Variants in WWOX observed in about 807,000 individuals in gnomAD.
WWOX encodes the protein WW domain containing oxidoreductase.
In WWOX, 69 loss-of-function variants were observed where a neutral mutation model predicts 46.2. The ratio of observed to expected loss-of-function variants is 1.49; its 90% CI spans 1.23 to 1.82. WWOX has a LOEUF of 1.82. Among genes scored for constraint, WWOX ranks in the 40% most tolerant of loss-of-function variants. The pLI is 0.00. For synonymous variants in WWOX, 359 were observed against 202.6 expected (o/e 1.77, Z -6.56); for missense variants, 919 against 542.6 (o/e 1.69, Z -6.89).
intron 8 of WWOX, among the ~76,000 whole-genome samples, chr16:78,619,846 C>T (rs937703009): frequency 1.3e-5 from 2 of 151,988 alleles, no homozygotes; most frequent in East Asian, 1.9e-4. Flanking sequence ...GAGGTTGAAC[C>T]ATGATTGCAC....
At chr16:78,242,637 C>T (rs1349744224) in intron 5 of WWOX, among the ~76,000 whole-genome samples, 2 of 152,196 alleles carry the variant, frequency 1.3e-5, no homozygotes, top group African/African-American at 4.8e-5. Flanking sequence ...GAGTCCCCTG[C>T]TCTCCCGAGC....
intron 8 of WWOX, among the ~76,000 whole-genome samples, chr16:79,111,612 A>G (rs1280954723): frequency 6.6e-6 from 1 of 152,210 alleles, no homozygotes; most frequent in Non-Finnish European, 1.5e-5. Context: ...AATAGAAAAG[A>G]GCTGCAATTG....
intron 5 of WWOX, among the ~76,000 whole-genome samples, chr16:78,230,055 T>A (rs563655618): frequency 1.8e-4 from 28 of 152,162 alleles, no homozygotes; most frequent in Middle Eastern, 3.4e-3. Context: ...AATTTTTATA[T>A]TTTTTGTGGA....
chr16:78,789,455 C>A (rs973264609), intron 8 of WWOX, among the ~76,000 whole-genome samples: 2 of 152,078 alleles, frequency 1.3e-5, no homozygotes, highest in Admixed American at 6.5e-5. Flanking sequence ...GATCAATTGG[C>A]CATAAATGTA....
intron 8 of WWOX, among the ~76,000 whole-genome samples, chr16:78,492,070 GT>G (rs1199948845): frequency 6.6e-6 from 1 of 152,102 alleles, no homozygotes; most frequent in African/African-American, 2.4e-5. Context: ...TAGTCTCTGG[GT>G]TTTCGAAACT....
At chr16:78,332,205 C>G (rs11867073) in intron 5 of WWOX, among the ~76,000 whole-genome samples, 3,759 of 152,174 alleles carry the variant, frequency 0.025, 130 homozygotes, top group African/African-American at 0.077. Context: ...CTCTTTTTCC[C>G]AGAAAGACTG....
At chr16:78,628,126 C>T (rs535257032) in intron 8 of WWOX, among the ~76,000 whole-genome samples, 12 of 152,220 alleles carry the variant, frequency 7.9e-5, no homozygotes, top group Non-Finnish European at 1.0e-4. Flanking sequence ...ACCTTCACAC[C>T]GAGGATCTGC....
intron 8 of WWOX, among the ~76,000 whole-genome samples, chr16:79,165,414 A>C (rs1317377861): frequency 6.6e-6 from 1 of 152,174 alleles, no homozygotes; most frequent in Non-Finnish European, 1.5e-5. Flanking sequence ...AATGCAGCTA[A>C]ATTTCCCACT....
intron 5 of WWOX, among the ~76,000 whole-genome samples, chr16:78,204,475 C>T (rs1018940033): frequency 6.6e-6 from 1 of 151,756 alleles, no homozygotes; most frequent in Non-Finnish European, 1.5e-5. Flanking sequence ...TATAGTCACC[C>T]TGTTGTGTTG....
At chr16:78,938,839 C>T (rs900878696) in intron 8 of WWOX, among the ~76,000 whole-genome samples, 1 of 152,068 alleles carries the variant, frequency 6.6e-6, no homozygotes, top group Admixed American at 6.6e-5. Flanking sequence ...TCAGGAAAGT[C>T]AGAAAAGTCT....
At chr16:78,768,433 T>C (rs755272417) in intron 8 of WWOX, among the ~76,000 whole-genome samples, 14 of 151,856 alleles carry the variant, frequency 9.2e-5, no homozygotes, top group Non-Finnish European at 1.5e-4. Flanking sequence ...CTACTAAAAA[T>C]ACAACAATTA....
intron 8 of WWOX, among the ~76,000 whole-genome samples, chr16:79,103,379 C>T (rs973097097): frequency 1.3e-5 from 2 of 152,186 alleles, no homozygotes; most frequent in Non-Finnish European, 2.9e-5. Flanking sequence ...AGGAAAAATG[C>T]TTAGAGTGTC....
intron 8 of WWOX, among the ~76,000 whole-genome samples, chr16:78,439,493 T>G (rs1037872815): frequency 6.6e-6 from 1 of 152,204 alleles, no homozygotes; most frequent in African/African-American, 2.4e-5. Context: ...TACGTCATTA[T>G]GTCCAAAGCT....
At chr16:79,132,635 A>T (rs988953128) in intron 8 of WWOX, among the ~76,000 whole-genome samples, 2 of 152,028 alleles carry the variant, frequency 1.3e-5, no homozygotes, top group Admixed American at 6.6e-5. Context: ...TTCTTTTTTT[A>T]AAACAAGAAT....
intron 8 of WWOX, among the ~76,000 whole-genome samples, chr16:79,086,063 C>A (rs903046460): frequency 9.2e-6 from 1 of 108,686 alleles, no homozygotes; most frequent in Non-Finnish European, 1.9e-5. Flanking sequence ...CAGTGTGAGA[C>A]CCCATCTCCA....
chr16:79,033,340 C>T (rs2047802773), intron 8 of WWOX, among the ~76,000 whole-genome samples: 1 of 147,972 alleles, frequency 6.8e-6, no homozygotes, highest in Admixed American at 6.8e-5. Context: ...ATATATATTA[C>T]ATATACATAA....
At chr16:79,183,749 G>T (rs139680059) in intron 8 of WWOX, among the ~76,000 whole-genome samples, 2 of 152,282 alleles carry the variant, frequency 1.3e-5, no homozygotes, top group East Asian at 3.9e-4. Flanking sequence ...CTACAGATGA[G>T]AAAATGGAGG....
chr16:78,353,173 A>C (rs1364910162), intron 5 of WWOX, among the ~76,000 whole-genome samples: 1 of 152,144 alleles, frequency 6.6e-6, no homozygotes, highest in Non-Finnish European at 1.5e-5. Context: ...TTTTCATCAT[A>C]ACACCTATCT....
chr16:79,114,069 G>T (rs1313238925), intron 8 of WWOX, among the ~76,000 whole-genome samples: 1 of 152,172 alleles, frequency 6.6e-6, no homozygotes, highest in East Asian at 1.9e-4. Context: ...AGGAAGGAAG[G>T]CTGGAAGAAG....
Sources: allele counts gnomAD v4.1 joint callset (sites outside exome capture counted in the v4.1 genomes callset), GRCh38; gene constraint gnomAD v4.1.1; transcripts MANE v1.5; gene names NCBI Gene and HGNC (gene_info 2026-07-23, HGNC 2026-07-21).